Variants in EHBP1 observed in about 807,000 individuals in gnomAD.
The protein encoded by EHBP1 is EH domain binding protein 1.
Under a neutral mutation model 144.0 loss-of-function variants are expected in EHBP1, and 55 were observed. The observed-to-expected ratio is 0.38, with a 90% CI of 0.31 to 0.48. EHBP1 has a LOEUF of 0.48. EHBP1 is among the 20% of genes least tolerant of loss of function. The pLI, the probability that EHBP1 is intolerant of heterozygous loss-of-function variation, is 0.98. For missense variants in EHBP1, 1,200 were observed against 1,364.2 expected, an observed-to-expected ratio of 0.88 and a Z score of 1.90; for synonymous variants, 469 against 472.7, an observed-to-expected ratio of 0.99 and a Z score of 0.10.
chr2:62,834,096 G>A (rs1426047037), intron 7 of EHBP1, among the ~76,000 whole-genome samples: 1 of 152,240 alleles, frequency 6.6e-6, no homozygotes, highest in East Asian at 1.9e-4. Context: ...AACTTGAATG[G>A]ATGAGGAGTT....
At chr2:63,029,506 C>T (rs1449666246) in intron 19 of EHBP1, among the ~76,000 whole-genome samples, 1 of 150,866 alleles carries the variant, frequency 6.6e-6, no homozygotes, top group African/African-American at 2.4e-5. Flanking sequence ...GTTCCTGCCT[C>T]AGGGCTATAT....
intron 1 of EHBP1, among the ~76,000 whole-genome samples, chr2:62,695,553 T>C (rs771129119): frequency 4.6e-5 from 7 of 152,178 alleles, no homozygotes; most frequent in African/African-American, 1.4e-4. Flanking sequence ...ATTGATTTAT[T>C]TGGGGGAGAG....
intron 10 of EHBP1, among the ~76,000 whole-genome samples, chr2:62,916,360 G>A (rs1358737268): frequency 1.3e-5 from 2 of 152,040 alleles, no homozygotes; most frequent in Admixed American, 6.6e-5. Context: ...GGGAGGCCAA[G>A]GCGGGTAGAT....
At chr2:62,879,207 A>G (rs528757769) in intron 10 of EHBP1, among the ~76,000 whole-genome samples, 3 of 152,284 alleles carry the variant, frequency 2.0e-5, no homozygotes, top group African/African-American at 7.2e-5. Flanking sequence ...AAAAGCTGGA[A>G]GTATTCCCCT....
intron 1 of EHBP1, among the ~76,000 whole-genome samples, chr2:62,675,856 G>A (rs574980533): frequency 2.0e-5 from 3 of 152,278 alleles, no homozygotes; most frequent in East Asian, 1.9e-4. Flanking sequence ...GGCCTCAAGC[G>A]GTCCTCCCAC....
At chr2:62,987,418 A>G (rs2059243897) in intron 15 of EHBP1, among the ~76,000 whole-genome samples, 1 of 152,164 alleles carries the variant, frequency 6.6e-6, no homozygotes, top group African/African-American at 2.4e-5. Context: ...CTCACTCTTA[A>G]TCTATCCATA....
chr2:62,910,187 T>C (rs1191235158), intron 10 of EHBP1, among the ~76,000 whole-genome samples: 1 of 152,238 alleles, frequency 6.6e-6, no homozygotes, highest in Non-Finnish European at 1.5e-5. Flanking sequence ...TTGGAGGTGC[T>C]TGAAGGATCT....
intron 10 of EHBP1, among the ~76,000 whole-genome samples, chr2:62,886,977 A>G (rs1387649718): frequency 1.3e-5 from 2 of 152,224 alleles, no homozygotes; most frequent in Non-Finnish European, 2.9e-5. Context: ...AAAGCCTCAC[A>G]TGTCAGCTTA....
chr2:62,957,256 A>G (rs2057749354), intron 14 of EHBP1, among the ~76,000 whole-genome samples: 1 of 152,240 alleles, frequency 6.6e-6, no homozygotes, highest in Admixed American at 6.5e-5. Flanking sequence ...GCAGATATAG[A>G]AAAAGGTTGG....
intron 5 of EHBP1, among the ~76,000 whole-genome samples, chr2:62,801,543 A>G (rs2043987811): frequency 6.6e-6 from 1 of 152,264 alleles, no homozygotes; most frequent in Admixed American, 6.5e-5. Flanking sequence ...ATTTAAAAAT[A>G]CGTGCTTTCA....
intron 7 of EHBP1, among the ~76,000 whole-genome samples, chr2:62,858,031 T>A (rs928620675): frequency 1.3e-5 from 2 of 152,224 alleles, no homozygotes; most frequent in African/African-American, 4.8e-5. Flanking sequence ...AAATATTTTC[T>A]GTAGTATCAG....
chr2:62,774,286 A>C (rs1259906829), intron 5 of EHBP1, among the ~76,000 whole-genome samples: 1 of 151,244 alleles, frequency 6.6e-6, no homozygotes, highest in Non-Finnish European at 1.5e-5. Flanking sequence ...CTGAAAAATC[A>C]CTTAAACCTG....
intron 10 of EHBP1, among the ~76,000 whole-genome samples, chr2:62,921,074 TAGAAG>T (rs1558916712): frequency 6.6e-6 from 1 of 152,222 alleles, no homozygotes. Context: ...ATGGAGCTAT[TAGAAG>T]AGAAGCTGTT....
chr2:62,860,679 A>T (rs534852387), intron 8 of EHBP1, among the ~76,000 whole-genome samples: 4 of 152,286 alleles, frequency 2.6e-5, no homozygotes, highest in Admixed American at 6.5e-5. Flanking sequence ...ACTACATACA[A>T]TTAAGTATAC....
chr2:62,861,304 A>G (rs2049520350), intron 8 of EHBP1, among the ~76,000 whole-genome samples: 1 of 150,756 alleles, frequency 6.6e-6, no homozygotes, highest in Non-Finnish European at 1.5e-5. Context: ...TAATTTTTGT[A>G]TTTTTAGTAG....
At chr2:62,751,162 A>G (rs924642690) in intron 3 of EHBP1, among the ~76,000 whole-genome samples, 19 of 152,204 alleles carry the variant, frequency 1.2e-4, no homozygotes, top group African/African-American at 4.1e-4. Context: ...CGTCCCATCA[A>G]TACCGAATTT....
chr2:62,747,718 G>A (rs1323586375), intron 3 of EHBP1, among the ~76,000 whole-genome samples: 1 of 151,798 alleles, frequency 6.6e-6, no homozygotes, highest in Non-Finnish European at 1.5e-5. Context: ...GAATAGGTTG[G>A]TGCAAAAGTA....
rs370670993 is a variant in EHBP1, at chr2:62,887,802, T to C, written c.1185+13270T>C. ...ATTTTGAGGGAAGATCAGAATATTT[T>C]ACAATTGACCATAAAGAAGTTTAGG... On this transcript the variant is annotated intron_variant, in intron 10 of 22. Coordinates refer to ENST00000431489, the MANE Select transcript of EHBP1 (RefSeq NM_001142616.3). Among the ~76,000 whole-genome samples, 72 of 152,258 alleles carry C rather than the reference T, an allele frequency of 4.7e-4. 1 individual carries two copies. Among genetic ancestry groups the C allele is most frequent in the African/African-American group, 1.5e-3 (64 of 41,554 alleles).
intron 1 of EHBP1, among the ~76,000 whole-genome samples, chr2:62,678,983 A>G (rs1205275104): frequency 6.6e-6 from 1 of 152,156 alleles, no homozygotes; most frequent in Non-Finnish European, 1.5e-5. Context: ...CCCAAATATT[A>G]AAGTAATTTT....
Sources: gnomAD v4.1 joint callset for allele counts (sites outside exome capture counted in the v4.1 genomes callset) on GRCh38, gnomAD v4.1.1 for gene constraint, MANE v1.5 for transcripts, NCBI Gene and HGNC (gene_info 2026-07-23, HGNC 2026-07-21) for gene names.